ABCA13: variants seen among roughly 807,000 people sequenced by gnomAD.
ABCA13 encodes ATP-binding cassette sub-family A member 13.
A neutral mutation model predicts 478.7 loss-of-function variants in ABCA13; 476 were observed. The ratio of observed to expected loss-of-function variants is 0.99; its 90% CI spans 0.92 to 1.07. ABCA13 has a LOEUF of 1.07. Among genes scored for constraint, ABCA13 ranks in the 50% least tolerant of loss-of-function variants. The probability of loss-of-function intolerance (pLI) is 0.00; values close to 1 mark genes in which losing one functional copy is unlikely to be tolerated. For missense variants in ABCA13, 6,060 were observed against 5,910.6 expected (o/e 1.03, Z -0.83); for synonymous variants, 2,252 against 2,158.9 (o/e 1.04, Z -1.20).
At chr7:48,475,776 T>C (rs1828026675) in intron 45 of ABCA13, among the ~76,000 whole-genome samples, 1 of 152,118 alleles carries the variant, frequency 6.6e-6, no homozygotes, top group Non-Finnish European at 1.5e-5. Context: ...TTTCCTCATG[T>C]TTTATCAAAT....
intron 58 of ABCA13, among the ~76,000 whole-genome samples, chr7:48,596,737 G>A (rs1790325955): frequency 6.6e-6 from 1 of 151,722 alleles, no homozygotes; most frequent in East Asian, 2.0e-4. Flanking sequence ...GGTGGAGCTT[G>A]CAGTGAGCCA....
chr7:48,489,902 G>C (rs1029579917), intron 48 of ABCA13, among the ~76,000 whole-genome samples: 27 of 152,112 alleles, frequency 1.8e-4, no homozygotes, highest in Admixed American at 4.6e-4. Flanking sequence ...ACTTAGGTGG[G>C]ATAAATTATA....
chr7:48,264,589 T>C (rs1406229794), intron 15 of ABCA13, among the ~76,000 whole-genome samples: 2 of 151,960 alleles, frequency 1.3e-5, no homozygotes, highest in African/African-American at 2.4e-5. Flanking sequence ...TGTTCATAAA[T>C]TGTATATTCA....
chr7:48,452,623 T>C (rs1378515735), intron 42 of ABCA13, among the ~76,000 whole-genome samples: 4 of 152,234 alleles, frequency 2.6e-5, no homozygotes, highest in African/African-American at 9.7e-5. Context: ...TATGAGAAGG[T>C]GCACAGTTTG....
chr7:48,452,902 A>G lies in ABCA13; in HGVS notation c.12566-2135A>G, dbSNP rs1032735824. Among the ~76,000 whole-genome samples the G allele has an allele frequency of 2.0e-5, 3 of 152,232 alleles. No homozygotes were observed. The East Asian group carries it at 5.8e-4, about 29-fold the overall frequency. On this transcript the variant is annotated intron_variant, in intron 42 of 61. Coordinates refer to ENST00000435803, the MANE Select transcript of ABCA13 (RefSeq NM_152701.5). Reference sequence around the variant, plus strand: ...TTTTAGCTTGAGTTAGAGAATTCAAATACTTATCCTAATAAATATGCAGAC... The same window carrying G: ...TTTTAGCTTGAGTTAGAGAATTCAAGTACTTATCCTAATAAATATGCAGAC...
chr7:48,289,916 T>C (rs1338525488), intron 20 of ABCA13, among the ~76,000 whole-genome samples: 2 of 152,164 alleles, frequency 1.3e-5, no homozygotes, highest in Non-Finnish European at 2.9e-5. Context: ...GGGCTTCAAG[T>C]ATGTGAGACT....
chr7:48,472,502 T>C (rs950282713), intron 45 of ABCA13, among the ~76,000 whole-genome samples: 2 of 152,154 alleles, frequency 1.3e-5, no homozygotes, highest in Admixed American at 6.5e-5. Flanking sequence ...ATGGCCTTAT[T>C]GTCTAGGGTG....
intron 15 of ABCA13, among the ~76,000 whole-genome samples, chr7:48,256,810 A>T (rs1562893666): frequency 6.6e-6 from 1 of 151,978 alleles, no homozygotes. Flanking sequence ...CACTTTTTTG[A>T]TTCCATATGA....
chr7:48,498,001 C>T (rs1012492389), intron 48 of ABCA13, among the ~76,000 whole-genome samples: 3 of 152,156 alleles, frequency 2.0e-5, no homozygotes, highest in African/African-American at 4.8e-5. Flanking sequence ...TATGGAGGCT[C>T]AGCTCTTTGT....
At chr7:48,495,225 A>C (rs1048442414) in intron 48 of ABCA13, among the ~76,000 whole-genome samples, 10 of 152,196 alleles carry the variant, frequency 6.6e-5, no homozygotes, top group Admixed American at 5.2e-4. Flanking sequence ...AAAGCACATT[A>C]GTTTCAAAGG....
At chr7:48,610,826 G>A (rs1426864248) in intron 58 of ABCA13, among the ~76,000 whole-genome samples, 1 of 152,202 alleles carries the variant, frequency 6.6e-6, no homozygotes, top group Non-Finnish European at 1.5e-5. Context: ...TGGAGCTGGA[G>A]CAGCTGCAAC....
At chr7:48,362,073 A>G (rs1403676484) in intron 31 of ABCA13, among the ~76,000 whole-genome samples, 1 of 151,940 alleles carries the variant, frequency 6.6e-6, no homozygotes, top group Non-Finnish European at 1.5e-5. Context: ...ACTTTTGTGA[A>G]TGATTTGTAG....
chr7:48,350,549 T>TTTTCAA, intron 29 of ABCA13, 94 bp from the exon 30 acceptor site: 1 of 1,348,172 alleles, frequency 7.4e-7, no homozygotes, highest in Non-Finnish European at 9.9e-7. Context: ...TTCATATTCA[T>TTTTCAA]TTTCAAATCC....
In ABCA13 at chr7:48,279,544, G is replaced by A; in HGVS notation, c.8350G>A (p.Gly2784Arg). ...AGAAACAGTTTTAGAGGCCTCCAGT[G>A]GAATTAAAAGTGACTATGAAGGTGA... is the stretch of plus-strand genomic sequence containing the variant. ...TIETVLEASS[G>R]IKSDYEGDLN... The change falls in exon 18 of 62, where the codon GGA becomes AGA. Residue 2784 changes from glycine (G) to arginine (R), a missense_variant. Gly to Arg is a moderately radical substitution (Grantham distance 125). This residue lies in a region of ABCA13 where 4,423 missense variants were observed against 4,309.1 expected (regional missense o/e 1.03). Coordinates refer to ENST00000435803, the MANE Select transcript of ABCA13 (RefSeq NM_152701.5). 1 of 1,613,354 alleles carries A rather than the reference G, an allele frequency of 6.2e-7. No individual in the cohort carries two copies.
intron 45 of ABCA13, among the ~76,000 whole-genome samples, chr7:48,473,524 A>G (rs1289804808): frequency 6.6e-6 from 1 of 152,180 alleles, no homozygotes; most frequent in Non-Finnish European, 1.5e-5. Context: ...CTGCCTAGCC[A>G]GTTTCTTCCT....
rs117511656 is a variant in ABCA13 at position 48,237,290 on chromosome 7, C to T, written c.898-1951C>T. ...AGTGGCTGATTATCATTTAGCTACA[C>T]CTACATTTTAGCAGCATTCAAGCCA... On this transcript the variant is annotated intron_variant, in intron 8 of 61. Transcript: ENST00000435803. Among the ~76,000 whole-genome samples the T allele has an allele frequency of 2.4e-3, 369 of 152,208 alleles. 5 individuals are homozygous for T. Among genetic ancestry groups the T allele is most frequent in the Non-Finnish European group, 4.2e-3 (283 of 68,012 alleles).
At chr7:48,471,972 C>T (rs1429335622) in intron 45 of ABCA13, among the ~76,000 whole-genome samples, 1 of 152,072 alleles carries the variant, frequency 6.6e-6, no homozygotes, top group Non-Finnish European at 1.5e-5. Flanking sequence ...TTTATTTGGG[C>T]TAGATATTAA....
At chr7:48,293,193 C>CT (rs1554419598) in intron 20 of ABCA13, among the ~76,000 whole-genome samples, 1 of 64,480 alleles carries the variant, frequency 1.6e-5, no homozygotes, top group Admixed American at 1.7e-4. Context: ...AAGTCTTCAG[C>CT]CCCCCCCCCG....
At position 48,481,107 on chromosome 7, in the gene ABCA13, A is replaced by G. The variant is rs373921427; in HGVS notation, c.13047A>G (p.Ser4349=). 5.0e-6 allele frequency: 8 copies of G among 1,599,950 alleles called. No individual in the cohort carries two copies. The highest frequency in any genetic ancestry group is 6.8e-6 in the Non-Finnish European group (8 of 1,172,996). Residue 4349 remains serine (S), a synonymous_variant, in exon 46 of 62, where the codon TCA becomes TCG. Coordinates refer to ENST00000435803, the MANE Select transcript of ABCA13 (RefSeq NM_152701.5). ...TGGGCCACACACTGTTGAATCTCTC[A>G]GGCTTCAATATGGAGGAGTACTTGC... The part of the protein sequence containing the change: ...NHLGHTLLNL[S]GFNMEEYLLA...
Sources: gnomAD v4.1 joint callset for allele counts (sites outside exome capture counted in the v4.1 genomes callset) on GRCh38, gnomAD v4.1.1 for gene constraint, gnomAD v4.1.1 regional missense constraint, MANE v1.5 for transcripts, NCBI Gene and HGNC (gene_info 2026-07-23, HGNC 2026-07-21) for gene names.